CCNYL1: variants seen among roughly 807,000 people sequenced by gnomAD.
The protein encoded by CCNYL1 is cyclin-Y-like protein 1.
In CCNYL1, 16 loss-of-function variants were observed where a neutral mutation model predicts 44.2. The ratio of observed to expected loss-of-function variants is 0.36; its 90% CI spans 0.25 to 0.55. The LOEUF is 0.55. CCNYL1 is among the 20% of genes least tolerant of loss of function. CCNYL1 has a pLI of 0.85. For synonymous variants in CCNYL1, 159 were observed against 163.2 expected, an observed-to-expected ratio of 0.97 and a Z score of 0.20; for missense variants, 348 against 451.8, an observed-to-expected ratio of 0.77 and a Z score of 2.08.
intron 6 of CCNYL1, among the ~76,000 whole-genome samples, 178 bp downstream of exon 6, chr2:207,740,884 A>G (rs1433229277): frequency 6.6e-6 from 1 of 152,242 alleles, no homozygotes; most frequent in Non-Finnish European, 1.5e-5. Flanking sequence ...TTCCTCAGGT[A>G]TATGATAGCC....
At chr2:207,753,137 T>C (rs1304714552) in intron 9 of CCNYL1, among the ~76,000 whole-genome samples, 2 of 152,198 alleles carry the variant, frequency 1.3e-5, no homozygotes, top group African/African-American at 2.4e-5. Context: ...TGTTCCAGTA[T>C]AGTCCAGCAC....
Position 207,740,785 on chromosome 2 carries a change from C to G in CCNYL1, c.519+79C>G. On this transcript the variant is annotated intron_variant, in intron 6 of 9. Coordinates refer to ENST00000295414, the MANE Select transcript of CCNYL1 (RefSeq NM_001330218.2). ...TTCATGCTGATATTTATAAATAGTCCTAACAAATATACATGATCTCTATGA... is the reference window on the plus strand; with the variant it reads ...TTCATGCTGATATTTATAAATAGTCGTAACAAATATACATGATCTCTATGA... 3 of 821,746 alleles carry G rather than the reference C, an allele frequency of 3.7e-6. No homozygotes were observed. In the South Asian group the frequency reaches 4.5e-5, roughly 12 times the overall value. 50.9% of individuals were successfully genotyped at this position (821,746 alleles called of 1,614,324 possible).
At chr2:207,734,227 T>A (rs1246490474) in intron 4 of CCNYL1, among the ~76,000 whole-genome samples, 180 bp downstream of exon 4, 3 of 152,254 alleles carry the variant, frequency 2.0e-5, no homozygotes, top group Non-Finnish European at 2.9e-5. Context: ...CCTGTTTTAA[T>A]CTTAGGCTGC....
chr2:207,744,228 T>TG (rs139169285), intron 7 of CCNYL1, among the ~76,000 whole-genome samples: 2,272 of 150,328 alleles, frequency 0.015, 24 homozygotes, highest in Non-Finnish European at 0.025. Flanking sequence ...CAGGAACATT[T>TG]TGTGTGTGTG....
intron 7 of CCNYL1, 54 bp from the exon 8 acceptor site, chr2:207,746,993 T>G: frequency 1.4e-6 from 2 of 1,382,172 alleles, no homozygotes; most frequent in South Asian, 2.7e-5. Flanking sequence ...AAAAAAAAGC[T>G]TATCAAAGCA....
chr2:207,715,028 G>T (rs558452176), intron 1 of CCNYL1, among the ~76,000 whole-genome samples: 6 of 152,284 alleles, frequency 3.9e-5, no homozygotes, highest in African/African-American at 1.4e-4. Flanking sequence ...CCAGCACTTC[G>T]GGAGGCTGAG....
In CCNYL1 at chr2:207,733,868, A is replaced by C. The variant is rs2091746406; in HGVS notation, c.331-79A>C. The C allele has an allele frequency of 4.7e-6, 4 of 847,188 alleles. No individual in the cohort carries two copies. In the South Asian group the frequency reaches 6.0e-5, roughly 13 times the overall value. The allele number at this position is 847,188 out of a possible 1,614,324, so 52.5% of individuals were successfully genotyped here. A position where few individuals can be genotyped will look rare whatever the true frequency, so the allele number is the denominator to read the frequency against. On this transcript the variant is annotated intron_variant, in intron 3 of 9. Transcript: ENST00000295414. ...AAATATCTTAATGCTTTATCATTTG[A>C]CATTTTAACCAAGGAAAAACCACAC...
At chr2:207,714,312 CTTTTTTTTTT>C (rs60004559) in intron 1 of CCNYL1, 7 of 310,026 alleles carry the variant, frequency 2.3e-5, no homozygotes, top group Admixed American at 9.5e-5. Flanking sequence ...ACTTACATCT[CTTTTTTTTTT>C]TTTTTTTTTT....
intron 4 of CCNYL1, among the ~76,000 whole-genome samples, chr2:207,735,043 A>G (rs2091754472): frequency 6.6e-6 from 1 of 152,184 alleles, no homozygotes; most frequent in African/African-American, 2.4e-5. Context: ...TTTGAATTCA[A>G]AAGATTCTGA....
intron 6 of CCNYL1, among the ~76,000 whole-genome samples, chr2:207,741,334 C>T (rs2091808314): frequency 6.6e-6 from 1 of 152,142 alleles, no homozygotes; most frequent in African/African-American, 2.4e-5. Flanking sequence ...AAGTAGTTTA[C>T]ATTTTGATAG....
chr2:207,753,495 A>G, intron 9 of CCNYL1, 93 bp from the exon 10 acceptor site: 2 of 790,152 alleles, frequency 2.5e-6, no homozygotes, highest in Non-Finnish European at 4.3e-6. Flanking sequence ...TATCTAAAGG[A>G]GTCCACATGT....
chr2:207,719,400 CA>C (rs2091622570), intron 1 of CCNYL1, among the ~76,000 whole-genome samples: 1 of 150,972 alleles, frequency 6.6e-6, no homozygotes, highest in South Asian at 2.1e-4. Flanking sequence ...TCCTGGGTTC[CA>C]GCAGTTCTAA....
At chr2:207,734,808 T>C (rs1003890616) in intron 4 of CCNYL1, among the ~76,000 whole-genome samples, 1 of 152,186 alleles carries the variant, frequency 6.6e-6, no homozygotes, top group African/African-American at 2.4e-5. Context: ...CAGTAACTTC[T>C]ACTTTAAAAG....
At chr2:207,727,121 A>C (rs1019440791) in intron 3 of CCNYL1, among the ~76,000 whole-genome samples, 21 of 152,210 alleles carry the variant, frequency 1.4e-4, no homozygotes, top group African/African-American at 4.8e-4. Flanking sequence ...TGGTATAAAT[A>C]TCTGCCTTAA....
intron 7 of CCNYL1, among the ~76,000 whole-genome samples, chr2:207,744,275 C>T (rs775886424): frequency 2.6e-5 from 4 of 151,726 alleles, no homozygotes; most frequent in South Asian, 2.1e-4. Flanking sequence ...CAAGGTGTCC[C>T]GTGTGGTTGG....
chr2:207,737,380 T>G (rs1479124252), intron 4 of CCNYL1, 31 bp from the exon 5 acceptor site: 3 of 1,548,158 alleles, frequency 1.9e-6, no homozygotes, highest in Non-Finnish European at 2.7e-6. Context: ...TTAAATCAGT[T>G]GTTAAAAATA....
At chr2:207,729,565 T>C (rs531564146) in intron 3 of CCNYL1, among the ~76,000 whole-genome samples, 1 of 152,248 alleles carries the variant, frequency 6.6e-6, no homozygotes, top group Non-Finnish European at 1.5e-5. Context: ...TGCAAGGACA[T>C]TGGAGGCCAA....
At chr2:207,726,146 G>A (rs1469840659) in intron 2 of CCNYL1, among the ~76,000 whole-genome samples, 2 of 152,198 alleles carry the variant, frequency 1.3e-5, no homozygotes, top group African/African-American at 4.8e-5. Flanking sequence ...GTGTGCTTGT[G>A]ATACTTGTCT....
chr2:207,746,923 C>T (rs935091794), intron 7 of CCNYL1, 124 bp from the exon 8 acceptor site: 5 of 700,780 alleles, frequency 7.1e-6, no homozygotes, highest in South Asian at 2.2e-5. Context: ...TTCTGTGAGC[C>T]GAGATCGCAC....
Sources: allele counts gnomAD v4.1 joint callset (sites outside exome capture counted in the v4.1 genomes callset), GRCh38; gene constraint gnomAD v4.1.1; transcripts MANE v1.5; gene names NCBI Gene and HGNC (gene_info 2026-07-23, HGNC 2026-07-21).